STX18: variants seen among roughly 807,000 people sequenced by gnomAD.
STX18 encodes the protein syntaxin-18.
Under a neutral mutation model 50.1 loss-of-function variants are expected in STX18, and 40 were observed. The ratio of observed to expected loss-of-function variants is 0.80; its 90% confidence interval spans 0.62 to 1.04. The LOEUF (loss-of-function observed/expected upper bound fraction) is 1.04, where lower values mean the gene tolerates loss of function less well. STX18 is among the 50% of genes least tolerant of loss of function. The probability of loss-of-function intolerance (pLI) is 0.00; values close to 1 mark genes in which losing one functional copy is unlikely to be tolerated. For missense variants in STX18, 410 were observed against 415.8 expected, an observed-to-expected ratio of 0.99 and a Z score of 0.12; for synonymous variants, 158 against 151.8, an observed-to-expected ratio of 1.04 and a Z score of -0.30.
At chr4:4,446,468 A>G (rs1726415189) in intron 5 of STX18, among the ~76,000 whole-genome samples, 1 of 152,278 alleles carries the variant, frequency 6.6e-6, no homozygotes. Flanking sequence ...ATCAACAGCC[A>G]AACAATCCTC....
chr4:4,459,127 T>G (rs530227369), intron 3 of STX18, among the ~76,000 whole-genome samples: 2 of 152,004 alleles, frequency 1.3e-5, no homozygotes, highest in East Asian at 3.9e-4. Flanking sequence ...TAGATATATT[T>G]TTGGTTCTGT....
At position 4,457,264 on chromosome 4, in the gene STX18, C is replaced by G. The variant is rs369817269; in HGVS notation, c.431-7G>C. 1.4e-5 allele frequency: 23 copies of G among 1,613,616 alleles called. No individual in the cohort carries two copies. In the African/African-American group the frequency reaches 2.9e-4, roughly 21 times the overall value. On this transcript the variant is annotated splice_polypyrimidine_tract_variant and splice_region_variant and intron_variant, in intron 4 of 10. Coordinates refer to ENST00000306200, the MANE Select transcript of STX18 (RefSeq NM_016930.4). ...GAGTAAAGTTTACATACTCCTGTTG[C>G]AGAAGAAAATACCAGAAGAGAGACT...
Position 4,491,257 on chromosome 4 carries a change from T to C in STX18, c.169-19551A>G, listed in dbSNP as rs181722701. Among the ~76,000 whole-genome samples, 7 of 152,216 alleles carry C rather than the reference T, an allele frequency of 4.6e-5. No individual in the cohort carries two copies. In the East Asian group the frequency reaches 1.2e-3, roughly 25 times the overall value. ...GCCTCAACAGCATTCATCCATATTA[T>C]ATACAAAATGCCATTTCTTTCAAAA... On this transcript the variant is annotated intron_variant, in intron 1 of 10. Coordinates refer to ENST00000306200, the MANE Select transcript of STX18 (RefSeq NM_016930.4).
intron 1 of STX18, among the ~76,000 whole-genome samples, chr4:4,541,321 T>C (rs550531139): frequency 9.8e-5 from 15 of 152,310 alleles, no homozygotes; most frequent in African/African-American, 3.4e-4. Flanking sequence ...GTCCTACTTA[T>C]TGCAGAGACA....
intron 1 of STX18, among the ~76,000 whole-genome samples, chr4:4,491,883 A>T (rs1015346813): frequency 6.6e-6 from 1 of 152,170 alleles, no homozygotes; most frequent in African/African-American, 2.4e-5. Flanking sequence ...TAGCCATTAA[A>T]AAACTAAAAG....
chr4:4,461,831 T>A, intron 2 of STX18: 1 of 455,764 alleles, frequency 2.2e-6, no homozygotes, highest in Non-Finnish European at 4.4e-6. Flanking sequence ...CAGAGCCTCC[T>A]CCCTCTGGCC....
chr4:4,488,930 C>T (rs1310302460), intron 1 of STX18, among the ~76,000 whole-genome samples: 1 of 152,166 alleles, frequency 6.6e-6, no homozygotes, highest in Non-Finnish European at 1.5e-5. Flanking sequence ...CTTCAAGCGG[C>T]CCATAGCAAG....
Position 4,438,466 on chromosome 4 carries a change from T to C in STX18, c.541A>G (p.Thr181Ala). 6.2e-7 allele frequency: 1 copy of C among 1,613,904 alleles called. No individual in the cohort carries two copies. The highest frequency in any genetic ancestry group is 8.5e-7 in the Non-Finnish European group (1 of 1,179,804). The change falls in exon 6 of 11, where the codon ACA becomes GCA. Residue 181 changes from threonine (T) to alanine (A), a missense_variant. Physicochemically the swap from Thr to Ala is moderately conservative, Grantham distance 58. Transcript: ENST00000306200. The part of the protein sequence containing the change: ...PEPNTKTRES[T>A]SSEKVSQSPS... ...CTCTGTGAAACTTTCTCAGAAGATG[T>C]GGATTCTCTTGTCTTTGTATTTGGT...
chr4:4,521,829 T>C (rs972028554), intron 1 of STX18, among the ~76,000 whole-genome samples: 33 of 152,210 alleles, frequency 2.2e-4, no homozygotes, highest in African/African-American at 8.0e-4. Flanking sequence ...CAATGCCTCA[T>C]GAGAGTATCA....
chr4:4,420,608 G>A lies in STX18; in HGVS notation c.912+256C>T, dbSNP rs1724888995. ...GGACATGAAGAGCTGGCCTGACCCT[G>A]CCAGGAGTACCCCCACCCACCCTGG... On this transcript the variant is annotated intron_variant, in intron 10 of 10. Coordinates refer to ENST00000306200, the MANE Select transcript of STX18 (RefSeq NM_016930.4). This position sits in a 1 kb window ranked among gnomAD's most constrained non-coding sequence, Gnocchi z 4.3. The A allele has an allele frequency of 2.0e-6, 1 of 509,818 alleles. No homozygotes were observed. Among genetic ancestry groups the A allele is most frequent in the Admixed American group, 3.7e-5 (1 of 27,070 alleles). 31.6% of individuals were successfully genotyped at this position (509,818 alleles called of 1,614,324 possible).
intron 5 of STX18, among the ~76,000 whole-genome samples, chr4:4,446,298 A>G (rs539455090): frequency 3.9e-4 from 60 of 152,328 alleles, no homozygotes; most frequent in Non-Finnish European, 6.5e-4. Flanking sequence ...CTTGGGGTAG[A>G]CAAAGTAAAA....
intron 1 of STX18, among the ~76,000 whole-genome samples, chr4:4,492,800 C>T (rs941626409): frequency 3.3e-5 from 5 of 152,012 alleles, no homozygotes; most frequent in Non-Finnish European, 5.9e-5. Flanking sequence ...ACTCTCTTCC[C>T]TAGTAGTCTG....
chr4:4,497,294 C>T (rs1316360826), intron 1 of STX18, among the ~76,000 whole-genome samples: 1 of 152,224 alleles, frequency 6.6e-6, no homozygotes, highest in African/African-American at 2.4e-5. Flanking sequence ...AGGAGGAGCA[C>T]AGACTTCTGT....
At chr4:4,502,600 G>A (rs746852811) in intron 1 of STX18, among the ~76,000 whole-genome samples, 33 of 152,110 alleles carry the variant, frequency 2.2e-4, no homozygotes, top group Admixed American at 1.2e-3. Flanking sequence ...AGTTCTTACT[G>A]GATGCCTTGA....
At chr4:4,490,334 A>G (rs1728889866) in intron 1 of STX18, among the ~76,000 whole-genome samples, 1 of 152,218 alleles carries the variant, frequency 6.6e-6, no homozygotes, top group African/African-American at 2.4e-5. Flanking sequence ...TATTACTCTA[A>G]TAGAACAGAC....
chr4:4,531,390 G>T (rs1019805338), intron 1 of STX18, among the ~76,000 whole-genome samples: 41 of 152,020 alleles, frequency 2.7e-4, no homozygotes, highest in African/African-American at 9.9e-4. Flanking sequence ...CTTCAACTAG[G>T]TCATTTACAT....
At chr4:4,471,934 T>C (rs1401195019) in intron 1 of STX18, among the ~76,000 whole-genome samples, 1 of 152,230 alleles carries the variant, frequency 6.6e-6, no homozygotes, top group East Asian at 1.9e-4. Context: ...TATGACACTA[T>C]GAGTAGGTGA....
chr4:4,447,276 GC>G (rs1726458420), intron 5 of STX18, among the ~76,000 whole-genome samples: 1 of 151,916 alleles, frequency 6.6e-6, no homozygotes, highest in Non-Finnish European at 1.5e-5. Flanking sequence ...AAATTTCTTA[GC>G]CTGTTTTCCC....
At chr4:4,524,007 T>C (rs578245091) in intron 1 of STX18, among the ~76,000 whole-genome samples, 22 of 152,316 alleles carry the variant, frequency 1.4e-4, no homozygotes, top group African/African-American at 5.1e-4. Flanking sequence ...CAGCACTTAT[T>C]AGAACATGCT....
Sources: allele counts gnomAD v4.1 joint callset (sites outside exome capture counted in the v4.1 genomes callset), GRCh38; gene constraint gnomAD v4.1.1; non-coding constraint Gnocchi (gnomAD v3.1); transcripts MANE v1.5; gene names NCBI Gene and HGNC (gene_info 2026-07-23, HGNC 2026-07-21).